The following SHROOM3 variants were observed in gnomAD, a reference collection of about 807,000 sequenced individuals.
SHROOM3 encodes shroom family member 3.
In SHROOM3, 47 loss-of-function variants were observed where a neutral mutation model predicts 138.6. The ratio of observed to expected loss-of-function variants is 0.34; its 90% CI spans 0.27 to 0.43. The LOEUF is 0.43. SHROOM3 is among the 20% of genes least tolerant of loss of function. The probability of loss-of-function intolerance (pLI) is 1.00; values close to 1 mark genes in which losing one functional copy is unlikely to be tolerated. For synonymous variants in SHROOM3, 1,062 were observed against 1,063.3 expected (o/e 1.00, Z 0.02); for missense variants, 2,491 against 2,596.5 (o/e 0.96, Z 0.88).
At chr4:76,541,381 AAAAT>A (rs1182834596) in intron 1 of SHROOM3, among the ~76,000 whole-genome samples, 1 of 152,192 alleles carries the variant, frequency 6.6e-6, no homozygotes, top group Non-Finnish European at 1.5e-5. Flanking sequence ...AAAATTAAAT[AAAAT>A]ATAAATGAAT....
chr4:76,610,770 G>A (rs1367082269), intron 2 of SHROOM3, among the ~76,000 whole-genome samples: 2 of 152,106 alleles, frequency 1.3e-5, no homozygotes, highest in African/African-American at 4.8e-5. Flanking sequence ...AGATCTTAAG[G>A]TTATCTCCCT....
chr4:76,580,944 T>TA (rs1275481467), intron 2 of SHROOM3, among the ~76,000 whole-genome samples: 1 of 152,194 alleles, frequency 6.6e-6, no homozygotes, highest in African/African-American at 2.4e-5. Context: ...TCTTTTTTTT[T>TA]ATTATACTTT....
chr4:76,624,351 A>G (rs926919707), intron 2 of SHROOM3, among the ~76,000 whole-genome samples: 1 of 152,078 alleles, frequency 6.6e-6, no homozygotes, highest in Non-Finnish European at 1.5e-5. Context: ...TTTAACACCG[A>G]AGAGCTGTTG....
chr4:76,628,332 A>G (rs973577145), intron 2 of SHROOM3, among the ~76,000 whole-genome samples: 11 of 152,298 alleles, frequency 7.2e-5, no homozygotes, highest in Admixed American at 2.0e-4. Flanking sequence ...CTGGGGAAAT[A>G]GCCTTAAATT....
At chr4:76,616,062 G>A (rs1044660996) in intron 2 of SHROOM3, among the ~76,000 whole-genome samples, 5 of 152,140 alleles carry the variant, frequency 3.3e-5, no homozygotes, top group African/African-American at 9.7e-5. Flanking sequence ...GTTAAGGGAA[G>A]CAGAAGTCAG....
chr4:76,600,220 C>T (rs1734478214), intron 2 of SHROOM3, among the ~76,000 whole-genome samples: 1 of 152,150 alleles, frequency 6.6e-6, no homozygotes, highest in African/African-American at 2.4e-5. Context: ...TTGATTATTC[C>T]TTGGGCCTGC....
rs898043136 is a variant in SHROOM3 at position 76,771,009 on chromosome 4, T to TG, written c.5622+115dup. ...TCAGGAAGATTTGTGGCAATCTCTT[T>TG]GGGGCAGGGAGAGAATACATGTATA... On this transcript the variant is annotated intron_variant, in intron 10 of 10. Transcript: ENST00000296043. 4 of 1,392,208 alleles carry TG rather than the reference T, an allele frequency of 2.9e-6. No individual in the cohort carries two copies. The African/African-American group carries it at 5.7e-5, about 20-fold the overall frequency. The allele number at this position is 1,392,208 out of a possible 1,614,324, so 86.2% of individuals were successfully genotyped here. A position where few individuals can be genotyped will look rare whatever the true frequency, so the allele number is the denominator to read the frequency against.
At chr4:76,534,634 G>A (rs1732911305) in intron 1 of SHROOM3, among the ~76,000 whole-genome samples, 1 of 152,128 alleles carries the variant, frequency 6.6e-6, no homozygotes, top group African/African-American at 2.4e-5. Flanking sequence ...ATAAGGGCAA[G>A]CACTTGCCAT....
intron 2 of SHROOM3, among the ~76,000 whole-genome samples, chr4:76,669,723 G>A (rs1205769349): frequency 6.6e-6 from 1 of 152,126 alleles, no homozygotes; most frequent in Non-Finnish European, 1.5e-5. Flanking sequence ...GAGTATGTGG[G>A]ATGTTACATG....
intron 1 of SHROOM3, among the ~76,000 whole-genome samples, chr4:76,520,295 G>C (rs66711534): frequency 0.12 from 17,644 of 152,046 alleles, 1,308 homozygotes; most frequent in East Asian, 0.21. Context: ...CAGTCATGTC[G>C]CAACAAGTCT....
intron 1 of SHROOM3, among the ~76,000 whole-genome samples, chr4:76,477,661 AGAT>A: frequency 6.6e-6 from 1 of 152,230 alleles, no homozygotes; most frequent in Non-Finnish European, 1.5e-5. Flanking sequence ...GTTAAAGAAC[AGAT>A]GATGTGATTT....
At chr4:76,646,977 G>A (rs1259816321) in intron 2 of SHROOM3, among the ~76,000 whole-genome samples, 1 of 152,080 alleles carries the variant, frequency 6.6e-6, no homozygotes, top group Non-Finnish European at 1.5e-5. Context: ...CTCACATTTT[G>A]AGCGCTATTC....
rs547418416 is a variant in SHROOM3, at chr4:76,592,141, G to T, written c.323+36378G>T. ...AGAGGGGAAAAAATGAGCCTTGAAG[G>T]TTACCTAGGGAGCATTGCTGACAGA... On this transcript the variant is annotated intron_variant, in intron 2 of 10. Transcript: ENST00000296043. 2.4e-4 allele frequency among the ~76,000 whole-genome samples: 36 copies of T among 152,268 alleles called. No homozygotes were observed. In the South Asian group the frequency reaches 6.6e-3, roughly 28 times the overall value.
chr4:76,549,659 G>A (rs888201799), intron 1 of SHROOM3, among the ~76,000 whole-genome samples: 19 of 152,036 alleles, frequency 1.2e-4, no homozygotes, highest in East Asian at 3.9e-4. Flanking sequence ...GAGCCACTGC[G>A]CCCGGCAGTG....
chr4:76,562,998 A>G (rs537294864), intron 2 of SHROOM3, among the ~76,000 whole-genome samples: 1 of 152,316 alleles, frequency 6.6e-6, no homozygotes, highest in African/African-American at 2.4e-5. Context: ...GGAAGACATT[A>G]TATCATCTGG....
chr4:76,595,672 G>T (rs1424860228), intron 2 of SHROOM3, among the ~76,000 whole-genome samples: 1 of 152,156 alleles, frequency 6.6e-6, no homozygotes, highest in Non-Finnish European at 1.5e-5. Context: ...CAGGGAGTCA[G>T]ATTACCAAGA....
intron 1 of SHROOM3, among the ~76,000 whole-genome samples, chr4:76,452,070 A>G (rs112317721): frequency 6.8e-4 from 103 of 152,374 alleles, no homozygotes; most frequent in African/African-American, 2.5e-3. Flanking sequence ...CAGGAAAGAT[A>G]AAAGCTGGAG....
intron 2 of SHROOM3, among the ~76,000 whole-genome samples, chr4:76,656,555 A>T (rs1007250449): frequency 1.3e-5 from 2 of 152,150 alleles, no homozygotes; most frequent in Non-Finnish European, 2.9e-5. Flanking sequence ...CACCTGGAAA[A>T]AGCCCTTCTT....
rs563361488 is a variant in SHROOM3, at chr4:76,778,976, G to A, written c.5790G>A (p.Thr1930=). ...DYQHFVKMKS[T]LLIEQRKLDD... ...AGCACTTCGTGAAAATGAAGTCCAC[G>A]CTCCTCATTGAGCAACGGAAGCTGG... Residue 1930 remains threonine (T), a synonymous_variant, in exon 11 of 11, where the codon ACG becomes ACA. Coordinates refer to ENST00000296043, the MANE Select transcript of SHROOM3 (RefSeq NM_020859.4). 33 of 1,614,120 alleles carry A rather than the reference G, an allele frequency of 2.0e-5. No homozygotes were observed. In the Middle Eastern group the frequency reaches 8.3e-4, roughly 41 times the overall value.
Sources: allele counts gnomAD v4.1 joint callset (sites outside exome capture counted in the v4.1 genomes callset), GRCh38; gene constraint gnomAD v4.1.1; transcripts MANE v1.5; gene names NCBI Gene and HGNC (gene_info 2026-07-23, HGNC 2026-07-21).